The following MTMR9 variants were observed in gnomAD, a reference collection of about 807,000 sequenced individuals.
MTMR9 encodes myotubularin related protein 9.
In MTMR9, 39 loss-of-function variants were observed where a neutral mutation model predicts 69.5. The observed-to-expected ratio is 0.56, with a 90% CI of 0.43 to 0.73. The LOEUF (loss-of-function observed/expected upper bound fraction) is 0.73. Among genes scored for constraint, MTMR9 ranks in the 30% least tolerant of loss-of-function variants. MTMR9 has a pLI of 0.00. For synonymous variants in MTMR9, 354 were observed against 240.8 expected, an observed-to-expected ratio of 1.47 and a Z score of -4.35; for missense variants, 900 against 671.2, an observed-to-expected ratio of 1.34 and a Z score of -3.77.
chr8:11,320,826 A>G (rs1360007428), intron 9 of MTMR9: 3 of 152,270 alleles, frequency 2.0e-5, no homozygotes, highest in Non-Finnish European at 2.9e-5. Flanking sequence ...TAATTTTTAA[A>G]GTTATTTTGA....
At chr8:11,303,813 T>C (rs942049955) in intron 3 of MTMR9, among the ~76,000 whole-genome samples, 1 of 152,132 alleles carries the variant, frequency 6.6e-6, no homozygotes, top group African/African-American at 2.4e-5. Flanking sequence ...GGATGATAGG[T>C]GTGAACCACT....
At chr8:11,295,329 T>C in intron 2 of MTMR9, 27 bp downstream of exon 2, 3 of 1,236,512 alleles carry the variant, frequency 2.4e-6, no homozygotes, top group South Asian at 1.2e-5. Flanking sequence ...CAAAATCTAA[T>C]GAAACATAAT....
chr8:11,299,604 C>A (rs1799680535), intron 2 of MTMR9, among the ~76,000 whole-genome samples: 2 of 152,296 alleles, frequency 1.3e-5, no homozygotes, highest in South Asian at 4.1e-4. Flanking sequence ...ACCCTGATTT[C>A]AAATAATTTA....
rs141335209 is a variant in MTMR9 at position 11,291,630 on chromosome 8, C to G, written c.183-3564C>G. Among the ~76,000 whole-genome samples the G allele has an allele frequency of 2.2e-3, 335 of 152,134 alleles. 1 individual carries two copies. The highest frequency in any genetic ancestry group is 7.7e-3 in the African/African-American group (320 of 41,536). On this transcript the variant is annotated intron_variant, in intron 1 of 9. Coordinates refer to ENST00000221086, the MANE Select transcript of MTMR9 (RefSeq NM_015458.4). ...CTTAATAGTTTATAGCATATTTATTCTGACATAAAGTAACAATTATTTTTA... is the reference window on the plus strand; with the variant it reads ...CTTAATAGTTTATAGCATATTTATTGTGACATAAAGTAACAATTATTTTTA...
rs1800206206 is a variant in MTMR9 at position 11,311,728 on chromosome 8, C to T, written c.971+2040C>T. Among the ~76,000 whole-genome samples the T allele has an allele frequency of 3.3e-5, 5 of 152,268 alleles. No individual in the cohort carries two copies. The South Asian group carries it at 8.3e-4, about 25-fold the overall frequency. ...GACAAGACAGCAATGAAGATTGCCG[C>T]ATCAATTGACTCTTCCTTTCATGAA... On this transcript the variant is annotated intron_variant, in intron 6 of 9. Coordinates refer to ENST00000221086, the MANE Select transcript of MTMR9 (RefSeq NM_015458.4).
chr8:11,295,161 G>T, intron 1 of MTMR9, 33 bp from the exon 2 acceptor site: 1 of 1,097,678 alleles, frequency 9.1e-7, no homozygotes, highest in Non-Finnish European at 1.4e-6. Flanking sequence ...AGTAATATAT[G>T]TGTTCCTAAA....
chr8:11,333,976 T>G, the MTMR9 span, among the ~76,000 whole-genome samples: 2 of 152,220 alleles, frequency 1.3e-5, no homozygotes, highest in Non-Finnish European at 2.9e-5. Flanking sequence ...GAGTTAGTTA[T>G]CATGGAAGTG....
rs1439028339 is a variant in MTMR9, at chr8:11,327,312, C to T, written c.*4524C>T. On this transcript the variant is annotated 3_prime_UTR_variant, in exon 10 of 10. Transcript: ENST00000221086. The stretch of plus-strand genomic sequence containing the variant: ...GGAAGATAATGAGGCTCACTGTAAA[C>T]ACTACATTGTCCTGCAAAGTAATTC... 6.6e-6 allele frequency: 1 copy of T among 152,208 alleles called. No homozygotes were observed. The highest frequency in any genetic ancestry group is 1.5e-5 in the Non-Finnish European group (1 of 68,052). 9.4% of individuals were successfully genotyped at this position (152,208 alleles called of 1,614,324 possible).
chr8:11,320,633 T>A (rs1800639885), intron 9 of MTMR9: 1 of 152,212 alleles, frequency 6.6e-6, no homozygotes, highest in Admixed American at 6.6e-5. Context: ...CTCAGGAGGC[T>A]GAGGCAGGAG....
chr8:11,286,144 G>C (rs1365135552), intron 1 of MTMR9, among the ~76,000 whole-genome samples: 1 of 151,392 alleles, frequency 6.6e-6, no homozygotes, highest in Non-Finnish European at 1.5e-5. Context: ...AGTAGAGATG[G>C]GGTTTCACCA....
At chr8:11,316,464 T>C (rs1008598156) in intron 7 of MTMR9, 2 of 409,006 alleles carry the variant, frequency 4.9e-6, no homozygotes, top group Non-Finnish European at 8.6e-6. Context: ...CGCAGCCTCA[T>C]TAAGGATTTG....
In MTMR9 at chr8:11,323,161, G is replaced by A. The variant is rs1290314353; in HGVS notation, c.*373G>A. On this transcript the variant is annotated 3_prime_UTR_variant, in exon 10 of 10. Transcript: ENST00000221086. ...CAAGGAGACAGCTAATCTCTCTAGG[G>A]ACTATTTGGTGGTTTAAAAAAAGGG... The A allele has an allele frequency of 6.4e-6, 1 of 155,996 alleles. No individual in the cohort carries two copies. Among genetic ancestry groups the A allele is most frequent in the African/African-American group, 2.4e-5 (1 of 41,516 alleles). The allele number at this position is 155,996 out of a possible 1,614,324, so 9.7% of individuals were successfully genotyped here. A position where few individuals can be genotyped will look rare whatever the true frequency, so the allele number is the denominator to read the frequency against.
At chr8:11,288,025 A>ATATATAATATATATTATATAAT (rs1799241661) in intron 1 of MTMR9, among the ~76,000 whole-genome samples, 1 of 127,970 alleles carries the variant, frequency 7.8e-6, no homozygotes, top group African/African-American at 2.9e-5. Context: ...AATACGTATG[A>ATATATAATATATATTATATAAT]TATATAATAT....
At chr8:11,315,193 C>G in intron 7 of MTMR9, 129 bp downstream of exon 7, 2 of 1,122,050 alleles carry the variant, frequency 1.8e-6, no homozygotes, top group Non-Finnish European at 2.6e-6. Context: ...TAATTTACTG[C>G]AGGACAGTTA....
At chr8:11,337,342 A>C in the MTMR9 span, among the ~76,000 whole-genome samples, 1 of 152,208 alleles carries the variant, frequency 6.6e-6, no homozygotes, top group Non-Finnish European at 1.5e-5. Context: ...GGTTTTTAGT[A>C]ATAGGTGGTA....
chr8:11,306,302 A>T lies in MTMR9; in HGVS notation c.704A>T (p.Asp235Val), dbSNP rs1485110354. Residue 235 changes from aspartate to valine, a missense_variant, in exon 5 of 10, where the codon GAC becomes GTC. Asp to Val is a radical substitution (Grantham distance 152). Transcript: ENST00000221086. ...LRAGKRGYIIDTRSLNVAQQT... is the reference protein window; with the variant it reads ...LRAGKRGYIIVTRSLNVAQQT... ...GCTGGAAAGCGTGGCTACATCATTG[A>T]CACCCGATCCCTGAACGTGGCTCAG... The T allele has an allele frequency of 3.1e-6, 5 of 1,614,088 alleles. No homozygotes were observed.
intron 1 of MTMR9, among the ~76,000 whole-genome samples, chr8:11,287,010 A>C (rs1420041747): frequency 6.6e-6 from 1 of 152,236 alleles, no homozygotes; most frequent in Admixed American, 6.5e-5. Context: ...ACACCAAGGT[A>C]AATAAAATAT....
intron 1 of MTMR9, among the ~76,000 whole-genome samples, chr8:11,286,101 C>T (rs893777993): frequency 6.6e-6 from 1 of 151,364 alleles, no homozygotes; most frequent in African/African-American, 2.4e-5. Context: ...TACAGGCACG[C>T]GCCACCACAC....
At chr8:11,310,186 A>G (rs1352652782) in intron 6 of MTMR9, among the ~76,000 whole-genome samples, 1 of 152,194 alleles carries the variant, frequency 6.6e-6, no homozygotes. Context: ...AGTTGAGAAC[A>G]CCTAGTGGTA....
Sources: gnomAD v4.1 joint callset for allele counts (sites outside exome capture counted in the v4.1 genomes callset) on GRCh38, gnomAD v4.1.1 for gene constraint, MANE v1.5 for transcripts, NCBI Gene and HGNC (gene_info 2026-07-23, HGNC 2026-07-21) for gene names.